KAZN: variants seen among roughly 807,000 people sequenced by gnomAD.
The protein encoded by KAZN is kazrin.
KAZN carries 40 observed loss-of-function variants against 87.4 expected under a neutral mutation model. The observed-to-expected ratio is 0.46, with a 90% CI of 0.36 to 0.60. The LOEUF is 0.60. KAZN is among the 20% of genes least tolerant of loss of function. The probability of loss-of-function intolerance (pLI) is 0.00; values close to 1 mark genes in which losing one functional copy is unlikely to be tolerated. For missense variants in KAZN, 898 were observed against 1,073.9 expected (o/e 0.84, Z 2.29); for synonymous variants, 466 against 458.3 (o/e 1.02, Z -0.22).
intron 2 of KAZN, among the ~76,000 whole-genome samples, chr1:14,464,859 C>T (rs537495045): frequency 1.2e-4 from 18 of 152,006 alleles, no homozygotes; most frequent in Non-Finnish European, 2.5e-4. Flanking sequence ...TCTAGTGGTC[C>T]CTCCTGCTTG....
chr1:14,561,397 A>G (rs559892284), intron 2 of KAZN, among the ~76,000 whole-genome samples: 5 of 152,272 alleles, frequency 3.3e-5, no homozygotes, highest in Admixed American at 6.5e-5. Flanking sequence ...TGGCGAAAAG[A>G]TAAAGAAAAT....
At chr1:14,615,512 G>C (rs576317690) in intron 1 of KAZN, among the ~76,000 whole-genome samples, 26 of 152,096 alleles carry the variant, frequency 1.7e-4, no homozygotes, top group Non-Finnish European at 3.7e-4. Flanking sequence ...TGTAATTCCA[G>C]CTACTTGGGA....
chr1:14,618,664 AC>A (rs1678447451), intron 1 of KAZN, among the ~76,000 whole-genome samples: 1 of 152,202 alleles, frequency 6.6e-6, no homozygotes, highest in Non-Finnish European at 1.5e-5. Flanking sequence ...CTATGATATG[AC>A]CACACTGTGG....
At chr1:14,726,963 G>A (rs6672597) in intron 1 of KAZN, among the ~76,000 whole-genome samples, 46,260 of 152,058 alleles carry the variant, frequency 0.3, 7,171 homozygotes, top group South Asian at 0.37. Flanking sequence ...CTGTGGTGAT[G>A]CCAACACTCA....
At chr1:14,962,400 A>T (rs1473012915) in intron 2 of KAZN, among the ~76,000 whole-genome samples, 6 of 152,114 alleles carry the variant, frequency 3.9e-5, no homozygotes, top group Non-Finnish European at 8.8e-5. Flanking sequence ...ATTGGGGTGC[A>T]TTGTGGCCCA....
At chr1:14,558,946 C>T (rs1674085189) in intron 2 of KAZN, among the ~76,000 whole-genome samples, 1 of 152,194 alleles carries the variant, frequency 6.6e-6, no homozygotes, top group Non-Finnish European at 1.5e-5. Context: ...TCACCTTTCT[C>T]ATCTTTCCTC....
intron 2 of KAZN, among the ~76,000 whole-genome samples, chr1:14,536,973 T>A (rs978805421): frequency 2.6e-5 from 4 of 152,156 alleles, no homozygotes; most frequent in Non-Finnish European, 5.9e-5. Context: ...CCTGGTACAA[T>A]AGATGTTCAC....
At chr1:14,225,598 G>T (rs142349308) in intron 2 of KAZN, among the ~76,000 whole-genome samples, 1 of 152,026 alleles carries the variant, frequency 6.6e-6, no homozygotes, top group Non-Finnish European at 1.5e-5. Context: ...AAGAACAGAG[G>T]CATCATACTA....
chr1:15,079,360 C>T lies in KAZN; in HGVS notation c.1222+13607C>T, dbSNP rs188505074. Among the ~76,000 whole-genome samples, 6 of 152,140 alleles carry T rather than the reference C, an allele frequency of 3.9e-5. No individual in the cohort carries two copies. In the East Asian group the frequency reaches 1.2e-3, roughly 29 times the overall value. ...AATCTAGCTAGGGAGTGAATTAATC[C>T]AGTTAATTAATTATTAAAGTAATAA... is the stretch of plus-strand genomic sequence containing the variant. On this transcript the variant is annotated intron_variant, in intron 8 of 14. Coordinates refer to ENST00000376030, the MANE Select transcript of KAZN (RefSeq NM_201628.3).
chr1:14,469,980 T>C (rs1417005257), intron 2 of KAZN, among the ~76,000 whole-genome samples: 3 of 152,200 alleles, frequency 2.0e-5, no homozygotes, highest in South Asian at 2.1e-4. Flanking sequence ...TGGTGTTGCA[T>C]TGATACAGCG....
chr1:14,009,910 T>C (rs867021301), intron 1 of KAZN, among the ~76,000 whole-genome samples: 2 of 152,154 alleles, frequency 1.3e-5, no homozygotes, highest in Admixed American at 1.3e-4. Context: ...TGTGCCTCCA[T>C]GTGTACACAC....
At chr1:14,927,464 G>A (rs1278181927) in intron 1 of KAZN, among the ~76,000 whole-genome samples, 4 of 152,140 alleles carry the variant, frequency 2.6e-5, no homozygotes, top group Admixed American at 2.0e-4. Context: ...AAATAAAGCC[G>A]GGGAGGGGTT....
At chr1:14,568,281 T>G (rs1674657954) in intron 2 of KAZN, among the ~76,000 whole-genome samples, 1 of 152,144 alleles carries the variant, frequency 6.6e-6, no homozygotes. Context: ...GGACAAAGAT[T>G]CAAATTCTGC....
chr1:14,109,580 T>C (rs1034154714), intron 1 of KAZN, among the ~76,000 whole-genome samples: 1 of 152,240 alleles, frequency 6.6e-6, no homozygotes, highest in East Asian at 1.9e-4. Context: ...CTTTCTGCTA[T>C]GTCAAGAGTG....
chr1:14,965,017 C>CAT (rs1250882925), intron 2 of KAZN, among the ~76,000 whole-genome samples: 10 of 151,372 alleles, frequency 6.6e-5, no homozygotes, highest in African/African-American at 2.2e-4. Context: ...TTGTTTAAGA[C>CAT]ATATATATAT....
At chr1:14,029,046 C>T (rs1641208543) in intron 1 of KAZN, among the ~76,000 whole-genome samples, 1 of 150,682 alleles carries the variant, frequency 6.6e-6, no homozygotes, top group Admixed American at 6.6e-5. Context: ...GAGGAATCGC[C>T]ACACTGACTT....
At chr1:14,400,599 A>G (rs1340855819) in intron 2 of KAZN, among the ~76,000 whole-genome samples, 1 of 152,228 alleles carries the variant, frequency 6.6e-6, no homozygotes, top group Non-Finnish European at 1.5e-5. Flanking sequence ...AGGCTATGCC[A>G]GGGACTGCAA....
At chr1:14,394,050 G>A (rs1662683031) in intron 2 of KAZN, among the ~76,000 whole-genome samples, 1 of 152,158 alleles carries the variant, frequency 6.6e-6, no homozygotes, top group East Asian at 1.9e-4. Context: ...AGCTGCTTCA[G>A]GCTTTTTGAT....
intron 1 of KAZN, among the ~76,000 whole-genome samples, chr1:14,147,661 C>A (rs200277057): frequency 6.6e-6 from 1 of 151,854 alleles, no homozygotes; most frequent in African/African-American, 2.4e-5. Flanking sequence ...CTGGGCATGG[C>A]GGCACGCACC....
Sources: allele counts gnomAD v4.1 joint callset (sites outside exome capture counted in the v4.1 genomes callset), GRCh38; gene constraint gnomAD v4.1.1; transcripts MANE v1.5; gene names NCBI Gene and HGNC (gene_info 2026-07-23, HGNC 2026-07-21).